Variants in CDC42BPA observed in about 807,000 individuals in gnomAD.
CDC42BPA encodes the protein CDC42 binding protein kinase alpha, also known as serine/threonine-protein kinase MRCK alpha.
In CDC42BPA, 80 loss-of-function variants were observed where a neutral mutation model predicts 223.5. That is an observed-to-expected ratio of 0.36 (90% CI 0.30 to 0.43). The LOEUF (loss-of-function observed/expected upper bound fraction) is 0.43, where lower values mean the gene tolerates loss of function less well. CDC42BPA is among the 20% of genes least tolerant of loss of function. The probability of loss-of-function intolerance (pLI) is 1.00; values close to 1 mark genes in which losing one functional copy is unlikely to be tolerated. For missense variants in CDC42BPA, 1,743 were observed against 2,099.9 expected (o/e 0.83, Z 3.32); for synonymous variants, 694 against 718.6 (o/e 0.97, Z 0.55).
chr1:227,276,597 C>T (rs1687101188), intron 1 of CDC42BPA, among the ~76,000 whole-genome samples: 1 of 152,134 alleles, frequency 6.6e-6, no homozygotes, highest in Admixed American at 6.5e-5. Flanking sequence ...TCCTTGAGAG[C>T]GGGCCATGAT....
At chr1:227,263,582 A>ATTT (rs34757020) in intron 1 of CDC42BPA, among the ~76,000 whole-genome samples, 2 of 135,128 alleles carry the variant, frequency 1.5e-5, no homozygotes, top group South Asian at 2.4e-4. Flanking sequence ...TTGAGAATCA[A>ATTT]TTTTTTTTTT....
intron 2 of CDC42BPA, among the ~76,000 whole-genome samples, chr1:227,241,042 C>T (rs1015754476): frequency 4.0e-5 from 6 of 151,866 alleles, no homozygotes; most frequent in Non-Finnish European, 8.8e-5. Flanking sequence ...AAAGACTGAG[C>T]AAAAAATTTG....
rs546004617 is a variant in CDC42BPA, at chr1:227,148,692, G to A, written c.694-1133C>T. Among the ~76,000 whole-genome samples the A allele has an allele frequency of 3.2e-4, 46 of 143,476 alleles. 1 individual carries two copies. The highest frequency in any genetic ancestry group is 1.0e-3 in the African/African-American group (40 of 38,938). The allele number at this position is 143,476 out of a possible 152,430, so 94.1% of individuals were successfully genotyped here. ...TGAGGCAGGAGAATGGTGTGAACCCGGGAGGCGGAGCTTGCAGTAAGCCAA... is the reference window on the plus strand; with the variant it reads ...TGAGGCAGGAGAATGGTGTGAACCCAGGAGGCGGAGCTTGCAGTAAGCCAA... On this transcript the variant is annotated intron_variant, in intron 6 of 36. Coordinates refer to ENST00000366766, the MANE Select transcript of CDC42BPA (RefSeq NM_001394014.1).
chr1:227,122,061 A>T (rs1474032872), intron 11 of CDC42BPA, among the ~76,000 whole-genome samples: 1 of 152,126 alleles, frequency 6.6e-6, no homozygotes, highest in Non-Finnish European at 1.5e-5. Flanking sequence ...TCAGCCTCCC[A>T]AAGTGCTGGG....
intron 34 of CDC42BPA, among the ~76,000 whole-genome samples, chr1:227,013,586 C>T (rs1334689937): frequency 1.3e-5 from 2 of 152,034 alleles, no homozygotes; most frequent in Non-Finnish European, 2.9e-5. Flanking sequence ...CAGAAGGATA[C>T]TAAGCAGAGT....
At chr1:227,239,970 C>T (rs2813954) in intron 2 of CDC42BPA, among the ~76,000 whole-genome samples, 23,467 of 151,914 alleles carry the variant, frequency 0.15, 2,522 homozygotes, top group East Asian at 0.36. Flanking sequence ...AAAAAGGATG[C>T]GTCCCTATTC....
chr1:226,994,408 C>T lies in CDC42BPA; in HGVS notation c.5134-9G>A. 6.6e-7 allele frequency: 1 copy of T among 1,505,628 alleles called. No homozygotes were observed. The highest frequency in any genetic ancestry group is 8.9e-7 in the Non-Finnish European group (1 of 1,123,046). 93.3% of individuals were successfully genotyped at this position (1,505,628 alleles called of 1,614,324 possible). On this transcript the variant is annotated splice_polypyrimidine_tract_variant and intron_variant, in intron 36 of 36. Coordinates refer to ENST00000366766, the MANE Select transcript of CDC42BPA (RefSeq NM_001394014.1). The surrounding 1 kb of genome is among the most constrained non-coding windows in gnomAD (Gnocchi z 4.0). ...CTCGGAGAGTCAGAGTCCTGTAAGG[C>T]CCAAAGTAAAACATTAATGAGAAGG...
intron 18 of CDC42BPA, 69 bp from the exon 19 acceptor site, chr1:227,074,081 C>G: frequency 2.6e-6 from 4 of 1,528,332 alleles, no homozygotes; most frequent in East Asian, 2.3e-5. Flanking sequence ...AGTTAACCAG[C>G]TGTGTGTTAT....
rs910133151 is a variant in CDC42BPA, at chr1:226,998,010, TAGAG to T, written c.4976-3034_4976-3031del. Among the ~76,000 whole-genome samples, 20 of 152,118 alleles carry T rather than the reference TAGAG, an allele frequency of 1.3e-4. No homozygotes were observed. In the East Asian group the frequency reaches 1.5e-3, roughly 12 times the overall value. On this transcript the variant is annotated intron_variant, in intron 35 of 36. Coordinates refer to ENST00000366766, the MANE Select transcript of CDC42BPA (RefSeq NM_001394014.1). ...CACAAGCATTCCTACACACCAATAA[TAGAG>T]AGCCAAATCATGAGTGAACTCCCAT...
chr1:227,154,964 T>C (rs936669684), intron 6 of CDC42BPA, among the ~76,000 whole-genome samples: 1 of 152,176 alleles, frequency 6.6e-6, no homozygotes. Context: ...AAAAGAATTA[T>C]AGCAAACACC....
rs1370741958 is a variant in CDC42BPA at position 227,129,244 on chromosome 1, G to A, written c.1391-13C>T. The stretch of plus-strand genomic sequence containing the variant: ...GTCTGTGTTGACTCTTTAAAAAAAA[G>A]GATAAAAGAAATAAAAATATCACCA... On this transcript the variant is annotated splice_polypyrimidine_tract_variant and intron_variant, in intron 10 of 36. Transcript: ENST00000366766. 6 of 1,530,056 alleles carry A rather than the reference G, an allele frequency of 3.9e-6. No individual in the cohort carries two copies. Among genetic ancestry groups the A allele is most frequent in the African/African-American group, 1.4e-5 (1 of 70,340 alleles). The allele number at this position is 1,530,056 out of a possible 1,614,324, so 94.8% of individuals were successfully genotyped here.
chr1:227,220,374 T>C (rs554194148), intron 2 of CDC42BPA, among the ~76,000 whole-genome samples: 7 of 147,960 alleles, frequency 4.7e-5, no homozygotes, highest in African/African-American at 1.7e-4. Context: ...TAAGGAAATA[T>C]ATATTATGTA....
At chr1:227,054,736 G>A (rs1288449225) in intron 21 of CDC42BPA, among the ~76,000 whole-genome samples, 1 of 152,102 alleles carries the variant, frequency 6.6e-6, no homozygotes, top group Non-Finnish European at 1.5e-5. Flanking sequence ...AGAGAATATG[G>A]ATATGGACAA....
chr1:227,307,269 G>T (rs971153407), intron 1 of CDC42BPA, among the ~76,000 whole-genome samples: 1 of 152,102 alleles, frequency 6.6e-6, no homozygotes, highest in Non-Finnish European at 1.5e-5. Context: ...GACATAAACA[G>T]ATACGCTAAA....
intron 1 of CDC42BPA, among the ~76,000 whole-genome samples, chr1:227,262,366 A>G (rs1684226336): frequency 6.6e-6 from 1 of 152,270 alleles, no homozygotes; most frequent in East Asian, 1.9e-4. Flanking sequence ...AAAGTACTCA[A>G]ACTTAAAAAA....
chr1:227,019,304 C>T lies in CDC42BPA; in HGVS notation c.4616-2254G>A, dbSNP rs759314177. On this transcript the variant is annotated intron_variant, in intron 32 of 36. Transcript: ENST00000366766. Reference sequence around the variant, plus strand: ...ACCTCATCCAATCAAATTTATCATGCGATTGCAGCAATTCAGTCTCCACTT... The same window carrying T: ...ACCTCATCCAATCAAATTTATCATGTGATTGCAGCAATTCAGTCTCCACTT... Among the ~76,000 whole-genome samples, 127 of 152,226 alleles carry T rather than the reference C, an allele frequency of 8.3e-4. 1 individual carries two copies. The highest frequency in any genetic ancestry group is 4.3e-4 in the Non-Finnish European group (29 of 68,020).
intron 12 of CDC42BPA, among the ~76,000 whole-genome samples, 195 bp from the exon 13 acceptor site, chr1:227,113,108 C>A (rs1306616746): frequency 6.6e-6 from 1 of 152,202 alleles, no homozygotes; most frequent in Non-Finnish European, 1.5e-5. Context: ...TATGCTAATA[C>A]AGTAAATGCA....
chr1:227,272,204 A>C (rs929905609), intron 1 of CDC42BPA, among the ~76,000 whole-genome samples: 3 of 152,176 alleles, frequency 2.0e-5, no homozygotes, highest in Non-Finnish European at 4.4e-5. Flanking sequence ...ATTTAAAAAG[A>C]AATATTAAGG....
intron 1 of CDC42BPA, among the ~76,000 whole-genome samples, chr1:227,298,011 T>TA (rs1691000517): frequency 6.8e-6 from 1 of 146,382 alleles, no homozygotes; most frequent in Non-Finnish European, 1.5e-5. Flanking sequence ...TATATATACA[T>TA]AATATATACA....
Sources: allele counts gnomAD v4.1 joint callset (sites outside exome capture counted in the v4.1 genomes callset), GRCh38; gene constraint gnomAD v4.1.1; non-coding constraint Gnocchi (gnomAD v3.1); transcripts MANE v1.5; gene names NCBI Gene and HGNC (gene_info 2026-07-23, HGNC 2026-07-21).